STK31: variants seen among roughly 807,000 people sequenced by gnomAD.
STK31 encodes the protein serine/threonine kinase 31, also known as serine/threonine-protein kinase 31.
In STK31, 89 loss-of-function variants were observed where a neutral mutation model predicts 129.7. The ratio of observed to expected loss-of-function variants is 0.69; its 90% CI spans 0.58 to 0.82. The LOEUF (loss-of-function observed/expected upper bound fraction) is 0.82, where lower values mean the gene tolerates loss of function less well. Among genes scored for constraint, STK31 ranks in the 40% least tolerant of loss-of-function variants. The pLI is 0.00. For missense variants in STK31, 1,187 were observed against 1,176.4 expected, an observed-to-expected ratio of 1.01 and a Z score of -0.13; for synonymous variants, 448 against 395.3, an observed-to-expected ratio of 1.13 and a Z score of -1.58.
At chr7:23,802,933 A>G (rs537241464) in intron 22 of STK31, among the ~76,000 whole-genome samples, 14 of 152,334 alleles carry the variant, frequency 9.2e-5, no homozygotes, top group Admixed American at 5.9e-4. Context: ...TCTTTACTAC[A>G]TTGAGCCTTT....
chr7:23,752,445 A>G (rs1215469395), intron 8 of STK31, among the ~76,000 whole-genome samples: 1 of 151,586 alleles, frequency 6.6e-6, no homozygotes, highest in Non-Finnish European at 1.5e-5. Context: ...TGCCTCCCTA[A>G]CTCAAGCCAT....
rs57280021 is a variant in STK31, at chr7:23,725,372, CAAAAAA to C, written c.250-1849_250-1844del. 1.2e-4 allele frequency among the ~76,000 whole-genome samples: 7 copies of C among 57,760 alleles called. No homozygotes were observed. The South Asian group carries it at 2.7e-3, about 22-fold the overall frequency. The allele number at this position is 57,760 out of a possible 152,430, so 37.9% of individuals were successfully genotyped here. ...GCAACATAGTGAGACCCTGTTTCTA[CAAAAAA>C]AAAAAAAAAAAAAAAAAAAGCTAGG... On this transcript the variant is annotated intron_variant, in intron 4 of 23. Coordinates refer to ENST00000355870, the MANE Select transcript of STK31 (RefSeq NM_031414.5).
At chr7:23,713,780 A>G (rs768448864) in intron 3 of STK31, among the ~76,000 whole-genome samples, 7 of 152,128 alleles carry the variant, frequency 4.6e-5, no homozygotes, top group Non-Finnish European at 1.0e-4. Flanking sequence ...GCCCTTTTGG[A>G]ATACCTTCAG....
chr7:23,723,663 G>A (rs1786866922), intron 4 of STK31, among the ~76,000 whole-genome samples: 1 of 152,160 alleles, frequency 6.6e-6, no homozygotes, highest in African/African-American at 2.4e-5. Flanking sequence ...CCATGTAGAA[G>A]GGTCATAGGC....
At chr7:23,769,422 C>G (rs1044829047) in intron 12 of STK31, among the ~76,000 whole-genome samples, 1 of 152,072 alleles carries the variant, frequency 6.6e-6, no homozygotes, top group Non-Finnish European at 1.5e-5. Context: ...CCTCTTTCCT[C>G]TTTTAACCAT....
At chr7:23,778,550 A>G (rs930704937) in intron 15 of STK31, among the ~76,000 whole-genome samples, 2 of 151,278 alleles carry the variant, frequency 1.3e-5, no homozygotes, top group East Asian at 2.0e-4. Flanking sequence ...TTTTTTCTTT[A>G]ATCTTGTCTT....
Position 23,739,600 on chromosome 7 carries a change from G to A in STK31, c.1017+2522G>A, listed in dbSNP as rs189049111. ...TAGGTGTTCTTCTAGGGTTTTTACT[G>A]TTTGGGGTTTTACATTTAAGTCTTT... On this transcript the variant is annotated intron_variant, in intron 8 of 23. Transcript: ENST00000355870. Among the ~76,000 whole-genome samples the A allele has an allele frequency of 1.9e-4, 29 of 152,310 alleles. No homozygotes were observed. In the East Asian group the frequency reaches 5.4e-3, roughly 28 times the overall value.
At chr7:23,730,071 A>C (rs1787311667) in intron 6 of STK31, among the ~76,000 whole-genome samples, 1 of 152,122 alleles carries the variant, frequency 6.6e-6, no homozygotes, top group African/African-American at 2.4e-5. Context: ...TGGGTTGGTA[A>C]CCTAATTCTG....
At chr7:23,827,059 C>T (rs1584510590) in intron 23 of STK31, among the ~76,000 whole-genome samples, 1 of 152,160 alleles carries the variant, frequency 6.6e-6, no homozygotes, top group South Asian at 2.1e-4. Context: ...TTTGGTGAAT[C>T]TGACAATTAT....
chr7:23,803,827 T>G (rs1477363249), intron 22 of STK31, among the ~76,000 whole-genome samples: 1 of 152,202 alleles, frequency 6.6e-6, no homozygotes, highest in Non-Finnish European at 1.5e-5. Context: ...GAGTATTTGG[T>G]TTTCTATATC....
At chr7:23,737,706 A>C (rs542229150) in intron 8 of STK31, among the ~76,000 whole-genome samples, 1 of 152,124 alleles carries the variant, frequency 6.6e-6, no homozygotes, top group African/African-American at 2.4e-5. Flanking sequence ...ATTTTGGTTG[A>C]TATTTCTCTT....
At chr7:23,805,744 C>G (rs1792666487) in intron 22 of STK31, among the ~76,000 whole-genome samples, 2 of 152,134 alleles carry the variant, frequency 1.3e-5, no homozygotes, top group Non-Finnish European at 1.5e-5. Context: ...CTTTGTCTGC[C>G]AACATGGTGG....
intron 20 of STK31, among the ~76,000 whole-genome samples, chr7:23,787,741 T>TACACAC (rs71888376): frequency 1.4e-3 from 202 of 145,638 alleles, no homozygotes; most frequent in East Asian, 4.9e-3. Flanking sequence ...GGTATGATTG[T>TACACAC]ACACACACAC....
chr7:23,817,234 A>G (rs1035594999), intron 23 of STK31, among the ~76,000 whole-genome samples: 3 of 152,170 alleles, frequency 2.0e-5, no homozygotes, highest in Admixed American at 2.0e-4. Flanking sequence ...TCTGCAAGTA[A>G]TCATGCCTTG....
chr7:23,799,889 C>T (rs1431109379), intron 22 of STK31, among the ~76,000 whole-genome samples: 1 of 151,884 alleles, frequency 6.6e-6, no homozygotes, highest in Non-Finnish European at 1.5e-5. Flanking sequence ...AACACATTTA[C>T]AAAAAGAAAA....
chr7:23,763,469 A>G (rs1048519332), intron 11 of STK31, among the ~76,000 whole-genome samples: 1 of 152,194 alleles, frequency 6.6e-6, no homozygotes, highest in Non-Finnish European at 1.5e-5. Context: ...ATTTCACCTA[A>G]TAATAGTGTT....
At position 23,814,146 on chromosome 7, in the gene STK31, C is replaced by CTTTTTTTTTTTTTTTTTTTTTTT. The variant is rs71552259; in HGVS notation, c.2761-996_2761-995insTTTTTTTTTTTTTTTTTTTTTTT. Among the ~76,000 whole-genome samples the CTTTTTTTTTTTTTTTTTTTTTTT allele has an allele frequency of 4.0e-5, 4 of 98,912 alleles. 2 individuals carry two copies. The highest frequency in any genetic ancestry group is 9.1e-5 in the African/African-American group (2 of 22,076). The allele number at this position is 98,912 out of a possible 152,430, so 64.9% of individuals were successfully genotyped here. On this transcript the variant is annotated intron_variant, in intron 22 of 23. Transcript: ENST00000355870. ...GTTGGGAAACATCAGATCTGGCTCA[C>CTTTTTTTTTTTTTTTTTTTTTTT]TTATTTTTTTTTTTTTTTCAGTTGG...
At position 23,735,777 on chromosome 7, in the gene STK31, T is replaced by G; in HGVS notation, c.723T>G (p.Pro241=). 1 of 1,614,166 alleles carries G rather than the reference T, an allele frequency of 6.2e-7. No homozygotes were observed. Among genetic ancestry groups the G allele is most frequent in the Non-Finnish European group, 8.5e-7 (1 of 1,180,020 alleles). ...LVLRNLKSPI[P]LWGHRSNQST... is the part of the protein sequence containing the mutation. ...TCAGGAACCTCAAAAGCCCCATTCC[T>G]TTGTGGGGGCATAGATCAAACCAGT... The change falls in exon 7 of 24, where the codon CCT becomes CCG. Residue 241 remains proline (P), a synonymous_variant. Coordinates refer to ENST00000355870, the MANE Select transcript of STK31 (RefSeq NM_031414.5).
At position 23,814,231 on chromosome 7, in the gene STK31, T is replaced by C. The variant is rs147502344; in HGVS notation, c.2761-913T>C. Among the ~76,000 whole-genome samples, 7 of 145,038 alleles carry C rather than the reference T, an allele frequency of 4.8e-5. No homozygotes were observed. The East Asian group carries it at 1.0e-3, about 22-fold the overall frequency. ...CTCTAGTCCTGGGGTCTTCAACTAGTTTTTCTTCCTTTTTTAAACCTTTCA... is the reference window on the plus strand; with the variant it reads ...CTCTAGTCCTGGGGTCTTCAACTAGCTTTTCTTCCTTTTTTAAACCTTTCA... On this transcript the variant is annotated intron_variant, in intron 22 of 23. Transcript: ENST00000355870.
Sources: gnomAD v4.1 joint callset for allele counts (sites outside exome capture counted in the v4.1 genomes callset) on GRCh38, gnomAD v4.1.1 for gene constraint, MANE v1.5 for transcripts, NCBI Gene and HGNC (gene_info 2026-07-23, HGNC 2026-07-21) for gene names.